The following RIMS1 variants were observed in gnomAD, a reference collection of about 807,000 sequenced individuals.
The protein encoded by RIMS1 is regulating synaptic membrane exocytosis 1.
RIMS1 carries 83 observed loss-of-function variants against 214.1 expected under a neutral mutation model. The ratio of observed to expected loss-of-function variants is 0.39; its 90% CI spans 0.32 to 0.47. RIMS1 has a LOEUF of 0.47. RIMS1 is among the 20% of genes least tolerant of loss of function. RIMS1 has a pLI of 0.99. For synonymous variants in RIMS1, 793 were observed against 786.8 expected (o/e 1.01, Z -0.13); for missense variants, 2,050 against 2,161.8 (o/e 0.95, Z 1.03).
chr6:72,041,394 T>C lies in RIMS1; in HGVS notation c.246-55555T>C, dbSNP rs1821391152. ...TGTACATTGTGAAATCCTAAAAAGC[T>C]GTCTGGATATGGTATCAAAAGTTAT... On this transcript the variant is annotated intron_variant, in intron 2 of 33. Coordinates refer to ENST00000521978, the MANE Select transcript of RIMS1 (RefSeq NM_014989.7). 2.6e-5 allele frequency among the ~76,000 whole-genome samples: 4 copies of C among 152,034 alleles called. No homozygotes were observed. In the South Asian group the frequency reaches 8.3e-4, roughly 32 times the overall value.
chr6:72,002,050 T>C (rs1271564452), intron 2 of RIMS1, among the ~76,000 whole-genome samples: 1 of 152,132 alleles, frequency 6.6e-6, no homozygotes, highest in Non-Finnish European at 1.5e-5. Context: ...TTTGTTAAAG[T>C]TTGCCACTGT....
intron 6 of RIMS1, chr6:72,216,383 T>G: frequency 4.1e-4 from 381 of 921,224 alleles, no homozygotes; most frequent in Middle Eastern, 5.5e-4. Flanking sequence ...AAAACCTGTT[T>G]GAGGTTGTCC....
chr6:72,076,743 T>C (rs1350750022), intron 2 of RIMS1, among the ~76,000 whole-genome samples: 2 of 151,936 alleles, frequency 1.3e-5, no homozygotes, highest in Non-Finnish European at 2.9e-5. Flanking sequence ...ATATTTTACA[T>C]TGGTGTGAGG....
At chr6:72,316,455 A>G (rs78351898) in intron 28 of RIMS1, 4,403 of 328,726 alleles carry the variant, frequency 0.013, 57 homozygotes, top group African/African-American at 0.036. Context: ...GGGTAGTCCA[A>G]TAAATACCGT....
intron 6 of RIMS1, among the ~76,000 whole-genome samples, chr6:72,200,479 G>C (rs896409041): frequency 9.9e-5 from 15 of 152,250 alleles, no homozygotes; most frequent in Admixed American, 4.6e-4. Context: ...GCTTTCTGTA[G>C]TTTCTTCTTT....
At chr6:72,062,575 G>T (rs1175870124) in intron 2 of RIMS1, among the ~76,000 whole-genome samples, 1 of 152,170 alleles carries the variant, frequency 6.6e-6, no homozygotes. Context: ...TATTTGGGAG[G>T]TAAAGGAGCT....
At chr6:71,975,959 A>C (rs1009774452) in intron 2 of RIMS1, among the ~76,000 whole-genome samples, 1 of 152,024 alleles carries the variant, frequency 6.6e-6, no homozygotes, top group African/African-American at 2.4e-5. Context: ...TCCATCAGTT[A>C]ATGGACATTT....
intron 2 of RIMS1, among the ~76,000 whole-genome samples, chr6:72,007,474 T>C (rs1168654998): frequency 6.6e-6 from 1 of 152,194 alleles, no homozygotes; most frequent in Non-Finnish European, 1.5e-5. Flanking sequence ...GCTGGACGGA[T>C]AATGACTTTG....
At chr6:71,933,417 A>T (rs1456393434) in intron 1 of RIMS1, among the ~76,000 whole-genome samples, 2 of 152,156 alleles carry the variant, frequency 1.3e-5, no homozygotes. Flanking sequence ...GGCACACAGT[A>T]GATGCTCTAA....
rs1299669982 is a variant in RIMS1 at position 72,364,565 on chromosome 6, C to CTA, written c.4367-26033_4367-26032insTA. On this transcript the variant is annotated intron_variant, in intron 29 of 33. Transcript: ENST00000521978. ...AATATTGGCTAAACCACATAGTCCT[C>CTA]CAGCCTTACAAAGTAGAGTAAGCTT... is the stretch of plus-strand genomic sequence containing the variant. Among the ~76,000 whole-genome samples the CTA allele has an allele frequency of 3.3e-5, 5 of 152,268 alleles. No homozygotes were observed. The East Asian group carries it at 7.7e-4, about 23-fold the overall frequency.
chr6:72,048,533 A>G (rs1823715955), intron 2 of RIMS1, among the ~76,000 whole-genome samples: 1 of 152,112 alleles, frequency 6.6e-6, no homozygotes, highest in Non-Finnish European at 1.5e-5. Flanking sequence ...GATGTAGAAA[A>G]CAAAATAAAA....
chr6:72,107,679 C>T (rs1179986493), intron 4 of RIMS1, among the ~76,000 whole-genome samples: 1 of 152,156 alleles, frequency 6.6e-6, no homozygotes, highest in Non-Finnish European at 1.5e-5. Context: ...AACAATGGAA[C>T]TGGGTAGGGG....
At chr6:72,368,292 ATTTTTTT>A (rs1168375463) in intron 29 of RIMS1, among the ~76,000 whole-genome samples, 2 of 79,110 alleles carry the variant, frequency 2.5e-5, no homozygotes, top group Non-Finnish European at 5.0e-5. Flanking sequence ...GTGTTGTCTG[ATTTTTTT>A]TTTTTTTTTT....
At chr6:72,305,120 C>A (rs1300512586) in intron 26 of RIMS1, among the ~76,000 whole-genome samples, 1 of 151,944 alleles carries the variant, frequency 6.6e-6, no homozygotes, top group East Asian at 1.9e-4. Context: ...TTACATTTTG[C>A]AAATAAAGAT....
chr6:72,287,879 C>T (rs576077422), intron 24 of RIMS1, among the ~76,000 whole-genome samples: 4 of 152,162 alleles, frequency 2.6e-5, no homozygotes, highest in Admixed American at 6.5e-5. Context: ...CACGCGCGGC[C>T]GCAAACCTCA....
intron 31 of RIMS1, among the ~76,000 whole-genome samples, chr6:72,395,581 GAA>G (rs919756198): frequency 6.6e-6 from 1 of 151,984 alleles, no homozygotes; most frequent in African/African-American, 2.4e-5. Context: ...AGAGCCATAA[GAA>G]AGTATCCAGA....
rs1260133678 is a variant in RIMS1 at position 71,887,148 on chromosome 6, G to A, written c.125G>A (p.Arg42Gln). ...ERNIIMAVMD[R>Q]QKEEEEKEEA... is the part of the protein sequence containing the mutation. ...AACATTATCATGGCAGTGATGGACCGGCAGAAGGAAGAGGAGGAAAAAGAA... is the reference window on the plus strand; with the variant it reads ...AACATTATCATGGCAGTGATGGACCAGCAGAAGGAAGAGGAGGAAAAAGAA... The change falls in exon 1 of 34, where the codon CGG becomes CAG. Residue 42 changes from arginine (R) to glutamine (Q), a missense_variant. Arg to Gln is a conservative substitution (Grantham distance 43). This residue lies in a region of RIMS1 where 882 missense variants were observed against 828.9 expected (regional missense o/e 1.06). Coordinates refer to ENST00000521978, the MANE Select transcript of RIMS1 (RefSeq NM_014989.7). The A allele has an allele frequency of 1.9e-6, 3 of 1,612,488 alleles. No homozygotes were observed. Among genetic ancestry groups the A allele is most frequent in the African/African-American group, 1.3e-5 (1 of 74,884 alleles).
intron 28 of RIMS1, among the ~76,000 whole-genome samples, chr6:72,315,462 G>A (rs2095726242): frequency 6.6e-6 from 1 of 152,052 alleles, no homozygotes; most frequent in African/African-American, 2.4e-5. Flanking sequence ...ACAGCTAATA[G>A]TTAAACAAGT....
At chr6:72,168,255 A>T (rs1203445548) in intron 4 of RIMS1, among the ~76,000 whole-genome samples, 1 of 152,218 alleles carries the variant, frequency 6.6e-6, no homozygotes, top group Non-Finnish European at 1.5e-5. Flanking sequence ...AAAGAATTTG[A>T]CTGAGGGGTT....
Sources: allele counts gnomAD v4.1 joint callset (sites outside exome capture counted in the v4.1 genomes callset), GRCh38; gene constraint gnomAD v4.1.1; regional missense constraint gnomAD v4.1.1; transcripts MANE v1.5; gene names NCBI Gene and HGNC (gene_info 2026-07-23, HGNC 2026-07-21).